The following RAD50 variants were observed in gnomAD, a reference collection of about 807,000 sequenced individuals.
RAD50 encodes the protein RAD50 double strand break repair protein, also known as DNA repair protein RAD50.
In RAD50, 132 loss-of-function variants were observed where a neutral mutation model predicts 168.8. The observed-to-expected ratio is 0.78, with a 90% CI of 0.68 to 0.90. The LOEUF (loss-of-function observed/expected upper bound fraction) is 0.90, where lower values mean the gene tolerates loss of function less well. RAD50 is among the 40% of genes least tolerant of loss of function. The pLI, the probability that RAD50 is intolerant of heterozygous loss-of-function variation, is 0.00. For missense variants in RAD50, 1,347 were observed against 1,534.4 expected, an observed-to-expected ratio of 0.88 and a Z score of 2.04; for synonymous variants, 525 against 497.4, an observed-to-expected ratio of 1.06 and a Z score of -0.74.
Position 132,591,331 on chromosome 5 carries a change from A to G in RAD50, c.1560A>G (p.Lys520=). Residue 520 remains lysine (K), a synonymous_variant, in exon 10 of 25, where the codon AAA becomes AAG. Coordinates refer to ENST00000378823, the MANE Select transcript of RAD50 (RefSeq NM_005732.4). ...EKADLDRTLR[K]LDQEMEQLNH... ...CAGACTTAGACAGGACCCTGCGTAA[A>G]CTTGACCAGGAGATGGAGCAGTTAA... The G allele has an allele frequency of 6.2e-7, 1 of 1,613,976 alleles. No individual in the cohort carries two copies. The highest frequency in any genetic ancestry group is 2.2e-5 in the East Asian group (1 of 44,850).
Position 132,604,999 on chromosome 5 carries a change from G to T in RAD50, c.2718G>T (p.Lys906Asn). Residue 906 changes from lysine (K) to asparagine (N), a missense_variant and splice_region_variant, in exon 16 of 25, where the codon AAG (lysine) becomes AAT (asparagine). Lys to Asn is a moderately conservative substitution (Grantham distance 94). Around this residue, in one of 3 missense-constraint regions of RAD50, gnomAD observed 635 missense variants for 739.2 expected, o/e 0.86. Transcript: ENST00000378823. ...TTCAGTCTTTGTACAGAGAGATAAA[G>T]GTAAGAATATCCATACATGTTTTTT... ...TEVQSLYREIKDAKEQVSPLE... is the reference protein window; with the variant it reads ...TEVQSLYREINDAKEQVSPLE... The T allele has an allele frequency of 1.3e-6, 2 of 1,591,994 alleles. No homozygotes were observed. Among genetic ancestry groups the T allele is most frequent in the Non-Finnish European group, 1.7e-6 (2 of 1,161,966 alleles).
At position 132,642,618 on chromosome 5, in the gene RAD50, A is replaced by G. The variant is rs1751754479; in HGVS notation, c.*254A>G. The G allele has an allele frequency of 1.9e-6, 1 of 535,868 alleles. No homozygotes were observed. The highest frequency in any genetic ancestry group is 3.3e-6 in the Non-Finnish European group (1 of 300,020). 33.2% of individuals were successfully genotyped at this position (535,868 alleles called of 1,614,324 possible). A position where few individuals can be genotyped will look rare whatever the true frequency, so the allele number is the denominator to read the frequency against. On this transcript the variant is annotated 3_prime_UTR_variant, in exon 25 of 25. Transcript: ENST00000378823. Reference sequence around the variant, plus strand: ...CTCTGTCAGGCCTTCAGGGTTCAGCAGTACAGCCGAGACTCGACTCTGTGC... The same window carrying G: ...CTCTGTCAGGCCTTCAGGGTTCAGCGGTACAGCCGAGACTCGACTCTGTGC...
At chr5:132,616,701 A>G (rs930965623) in intron 20 of RAD50, among the ~76,000 whole-genome samples, 1 of 152,180 alleles carries the variant, frequency 6.6e-6, no homozygotes, top group African/African-American at 2.4e-5. Flanking sequence ...TGCCTTAGGA[A>G]TTCTGTAAGA....
chr5:132,638,063 T>C lies in RAD50; in HGVS notation c.3476-18T>C, dbSNP rs774186415. The C allele has an allele frequency of 1.9e-5, 31 of 1,609,350 alleles. 1 individual carries two copies. Among genetic ancestry groups the C allele is most frequent in the Non-Finnish European group, 2.4e-5 (28 of 1,178,524 alleles). ...ACAGAGCATAGGTTCCTCTAAAATA[T>C]TCTTCTTCCTGTGTCAGATATTGAA... On this transcript the variant is annotated intron_variant, in intron 22 of 24. Coordinates refer to ENST00000378823, the MANE Select transcript of RAD50 (RefSeq NM_005732.4).
chr5:132,557,005 A>C lies in RAD50; in HGVS notation c.-320A>C. The C allele has an allele frequency of 1.3e-6, 1 of 763,096 alleles. No homozygotes were observed. The highest frequency in any genetic ancestry group is 1.9e-6 in the Non-Finnish European group (1 of 522,328). The allele number at this position is 763,096 out of a possible 1,614,324, so 47.3% of individuals were successfully genotyped here. ...TGATCCGCAGGGCGGCCGAGGCAGG[A>C]AGCTGTGAGTGCGCGGTTGCGGGGT... On this transcript the variant is annotated 5_prime_UTR_variant, in exon 1 of 25. Coordinates refer to ENST00000378823, the MANE Select transcript of RAD50 (RefSeq NM_005732.4).
In RAD50 at chr5:132,587,921, C is replaced by T. The variant is rs1580992076; in HGVS notation, c.886-3C>T. On this transcript the variant is annotated splice_region_variant and splice_polypyrimidine_tract_variant and intron_variant, in intron 6 of 24. Coordinates refer to ENST00000378823, the MANE Select transcript of RAD50 (RefSeq NM_005732.4). ...TAAAGCTTTTTATTTTGGTGTTACA[C>T]AGGTTTTTCAAGGGACTGATGAGCA... 6.2e-7 allele frequency: 1 copy of T among 1,612,164 alleles called. No individual in the cohort carries two copies. Among genetic ancestry groups the T allele is most frequent in the African/African-American group, 1.3e-5 (1 of 74,962 alleles).
At chr5:132,611,268 G>A (rs997107482) in intron 19 of RAD50, among the ~76,000 whole-genome samples, 3 of 152,148 alleles carry the variant, frequency 2.0e-5, no homozygotes, top group African/African-American at 7.2e-5. Context: ...ACACGCGCCT[G>A]TAATCCCAGG....
intron 21 of RAD50, among the ~76,000 whole-genome samples, chr5:132,621,823 G>A (rs2149855707): frequency 6.6e-6 from 1 of 152,046 alleles, no homozygotes; most frequent in Non-Finnish European, 1.5e-5. Context: ...ATAATAGTGT[G>A]TCTAGACTCA....
intron 13 of RAD50, among the ~76,000 whole-genome samples, chr5:132,602,485 TG>T (rs1375640230): frequency 6.6e-6 from 1 of 152,206 alleles, no homozygotes; most frequent in African/African-American, 2.4e-5. Context: ...ACCAGTAAAA[TG>T]GGTTGACATT....
At chr5:132,613,686 A>C (rs970466026) in intron 19 of RAD50, among the ~76,000 whole-genome samples, 1 of 146,902 alleles carries the variant, frequency 6.8e-6, no homozygotes, top group African/African-American at 2.5e-5. Context: ...TCACTGCAAC[A>C]TTCGCCTCCC....
At chr5:132,615,896 G>T in intron 19 of RAD50, 107 bp from the exon 20 acceptor site, 2 of 1,101,076 alleles carry the variant, frequency 1.8e-6, no homozygotes, top group Non-Finnish European at 2.7e-6. Context: ...AATTTCACAT[G>T]ATTCTAAGTA....
At chr5:132,640,844 C>A in intron 24 of RAD50, 39 bp downstream of exon 24, 1 of 1,613,216 alleles carries the variant, frequency 6.2e-7, no homozygotes, top group Non-Finnish European at 8.5e-7. Context: ...GAGTAAGTAT[C>A]TCACATTTGG....
chr5:132,592,129 GTTATA>G (rs1230232925), intron 11 of RAD50, 95 bp downstream of exon 11: 22 of 1,333,722 alleles, frequency 1.6e-5, no homozygotes, highest in Non-Finnish European at 2.2e-5. Context: ...GAAATGGTAT[GTTATA>G]TTGATAAACT....
Position 132,638,065 on chromosome 5 carries a change from C to T in RAD50, c.3476-16C>T. 1.2e-6 allele frequency: 2 copies of T among 1,609,560 alleles called. No homozygotes were observed. Among genetic ancestry groups the T allele is most frequent in the Non-Finnish European group, 1.7e-6 (2 of 1,178,648 alleles). ...AGAGCATAGGTTCCTCTAAAATATT[C>T]TTCTTCCTGTGTCAGATATTGAATA... On this transcript the variant is annotated splice_polypyrimidine_tract_variant and intron_variant, in intron 22 of 24. Transcript: ENST00000378823.
In RAD50 at chr5:132,640,812, A is replaced by G. The variant is rs375301575; in HGVS notation, c.3752+7A>G. Reference sequence around the variant, plus strand: ...TTGCACATGCTCTGGTTGAGTAAGTATCTCTTGCACATGCTCTGGTTGAGT... The same window carrying G: ...TTGCACATGCTCTGGTTGAGTAAGTGTCTCTTGCACATGCTCTGGTTGAGT... On this transcript the variant is annotated splice_region_variant and intron_variant, in intron 24 of 24. Transcript: ENST00000378823. 43 of 1,613,876 alleles carry G rather than the reference A, an allele frequency of 2.7e-5. No homozygotes were observed. Among genetic ancestry groups the G allele is most frequent in the Middle Eastern group, 3.3e-4 (2 of 6,084 alleles).
At position 132,575,772 on chromosome 5, in the gene RAD50, C is replaced by T. The variant is rs534966725; in HGVS notation, c.214-5C>T. ...CATAAGTTTTTTCTGTGTTTTCCTT[C>T]AAAGGTTGCTCAAGAAACAGATGTG... On this transcript the variant is annotated splice_polypyrimidine_tract_variant and splice_region_variant and intron_variant, in intron 2 of 24. Transcript: ENST00000378823. The T allele has an allele frequency of 1.6e-5, 25 of 1,587,842 alleles. No individual in the cohort carries two copies. The East Asian group carries it at 5.6e-4, about 35-fold the overall frequency.
rs561235713 is a variant in RAD50 at position 132,645,794 on chromosome 5, T to C, written c.*3430T>C. On this transcript the variant is annotated 3_prime_UTR_variant, in exon 25 of 25. Transcript: ENST00000378823. Reference sequence around the variant, plus strand: ...AGACCTGGAGTATTTATATAACAACTTGCCAGGGTTACTGAGTGAAGGCTA... The same window carrying C: ...AGACCTGGAGTATTTATATAACAACCTGCCAGGGTTACTGAGTGAAGGCTA... 1 of 152,308 alleles carries C rather than the reference T, an allele frequency of 6.6e-6. No individual in the cohort carries two copies. The highest frequency in any genetic ancestry group is 2.4e-5 in the African/African-American group (1 of 41,570). 9.4% of individuals were successfully genotyped at this position (152,308 alleles called of 1,614,324 possible).
chr5:132,614,695 A>G (rs1203413823), intron 19 of RAD50, among the ~76,000 whole-genome samples: 16 of 151,192 alleles, frequency 1.1e-4, no homozygotes, highest in Admixed American at 9.9e-4. Context: ...TTGTACTATT[A>G]CTTTTTATTT....
rs529833738 is a variant in RAD50 at position 132,644,287 on chromosome 5, A to G, written c.*1923A>G. 271 of 172,840 alleles carry G rather than the reference A, an allele frequency of 1.6e-3. 1 individual carries two copies. Among genetic ancestry groups the G allele is most frequent in the African/African-American group, 6.2e-3 (260 of 42,206 alleles). The allele number at this position is 172,840 out of a possible 1,614,324, so 10.7% of individuals were successfully genotyped here. ...AGAAGCCCATGGGTTTGGAGGTGGG[A>G]TAGGTGCCTTTCTGGCTTCTCATTG... On this transcript the variant is annotated 3_prime_UTR_variant, in exon 25 of 25. Coordinates refer to ENST00000378823, the MANE Select transcript of RAD50 (RefSeq NM_005732.4).
Sources: gnomAD v4.1 joint callset for allele counts (sites outside exome capture counted in the v4.1 genomes callset) on GRCh38, gnomAD v4.1.1 for gene constraint, gnomAD v4.1.1 regional missense constraint, MANE v1.5 for transcripts, NCBI Gene and HGNC (gene_info 2026-07-23, HGNC 2026-07-21) for gene names.